The following ZNF385D variants were observed in gnomAD, a reference collection of about 807,000 sequenced individuals.
ZNF385D encodes zinc finger protein 659.
A neutral mutation model predicts 35.8 loss-of-function variants in ZNF385D; 15 were observed. That is an observed-to-expected ratio of 0.42 (90% CI 0.28 to 0.64). ZNF385D has a LOEUF of 0.64. ZNF385D is among the 30% of genes least tolerant of loss of function. The pLI, the probability that ZNF385D is intolerant of heterozygous loss-of-function variation, is 0.23. For missense variants in ZNF385D, 474 were observed against 494.6 expected (o/e 0.96, Z 0.39); for synonymous variants, 212 against 186.8 (o/e 1.13, Z -1.10).
At chr3:21,944,472 G>A (rs761463576) in intron 3 of ZNF385D, among the ~76,000 whole-genome samples, 10 of 152,180 alleles carry the variant, frequency 6.6e-5, no homozygotes, top group Non-Finnish European at 1.3e-4. Context: ...ACTGGAGCCT[G>A]GCTTGTAACT....
rs563660195 is a variant in ZNF385D, at chr3:21,474,861, T to C, written c.439+36000A>G. ...ATTAATGATTACATTCCTCATGACA[T>C]GTTTTTTTGAATAGCTTTATATTTT... On this transcript the variant is annotated intron_variant, in intron 4 of 7. Transcript: ENST00000281523. 4.7e-4 allele frequency among the ~76,000 whole-genome samples: 71 copies of C among 152,236 alleles called. 4 individuals carry two copies. The South Asian group carries it at 0.013, about 28-fold the overall frequency.
intron 2 of ZNF385D, among the ~76,000 whole-genome samples, chr3:21,580,973 T>C (rs995787386): frequency 6.6e-6 from 1 of 152,178 alleles, no homozygotes; most frequent in Admixed American, 6.6e-5. Flanking sequence ...AATATTCTAC[T>C]TCTCCTGGCA....
intron 1 of ZNF385D, 90 bp downstream of exon 1, chr3:21,750,805 T>C: frequency 1.9e-6 from 3 of 1,548,150 alleles, no homozygotes; most frequent in Non-Finnish European, 2.7e-6. Context: ...TGTAACATAT[T>C]CTTGCTGCTT....
chr3:21,721,669 G>A (rs181335152), intron 1 of ZNF385D, among the ~76,000 whole-genome samples: 3 of 152,156 alleles, frequency 2.0e-5, no homozygotes, highest in Non-Finnish European at 4.4e-5. Context: ...AGTTATGCAC[G>A]TGAAATGCTA....
At chr3:21,970,092 C>G (rs186745913) in intron 3 of ZNF385D, among the ~76,000 whole-genome samples, 3 of 152,124 alleles carry the variant, frequency 2.0e-5, no homozygotes, top group South Asian at 2.1e-4. Context: ...AAATGCTTCC[C>G]AAGAAGGACA....
intron 3 of ZNF385D, among the ~76,000 whole-genome samples, chr3:22,045,069 C>T (rs991624851): frequency 6.6e-6 from 1 of 152,010 alleles, no homozygotes; most frequent in Non-Finnish European, 1.5e-5. Flanking sequence ...TGCAACTTTA[C>T]TGTACTTGTT....
At position 21,619,715 on chromosome 3, in the gene ZNF385D, G is replaced by A. The variant is rs551203320; in HGVS notation, c.165+45171C>T. On this transcript the variant is annotated intron_variant, in intron 2 of 7. Coordinates refer to ENST00000281523, the MANE Select transcript of ZNF385D (RefSeq NM_024697.3). ...GCTTTTGTTTTCCCAGCCCTGGCCTGCTGAGGGACTAATGGTGGGGAAGAC... is the reference window on the plus strand; with the variant it reads ...GCTTTTGTTTTCCCAGCCCTGGCCTACTGAGGGACTAATGGTGGGGAAGAC... Among the ~76,000 whole-genome samples the A allele has an allele frequency of 5.3e-5, 8 of 152,236 alleles. No homozygotes were observed. The South Asian group carries it at 1.5e-3, about 28-fold the overall frequency.
chr3:22,349,024 T>A, intron 2 of ZNF385D, among the ~76,000 whole-genome samples: 1 of 152,232 alleles, frequency 6.6e-6, no homozygotes, highest in East Asian at 1.9e-4. Context: ...ATTCATGATC[T>A]AAGCAATTAA....
rs1369995943 is a variant in ZNF385D, at chr3:21,539,701, A to G, written c.276+24873T>C. Among the ~76,000 whole-genome samples, 1 of 152,084 alleles carries G rather than the reference A, an allele frequency of 6.6e-6. No homozygotes were observed. Among genetic ancestry groups the G allele is most frequent in the Non-Finnish European group, 1.5e-5 (1 of 67,992 alleles). ...TATATTAAATGTTTTTAAAAATCAT[A>G]TATTTATTTTAAATATTTTATGAAA... On this transcript the variant is annotated intron_variant, in intron 3 of 7. Coordinates refer to ENST00000281523, the MANE Select transcript of ZNF385D (RefSeq NM_024697.3). The surrounding 1 kb of genome is among the most constrained non-coding windows in gnomAD (Gnocchi z 4.0).
At chr3:21,634,446 C>G (rs1245686458) in intron 2 of ZNF385D, among the ~76,000 whole-genome samples, 3 of 151,798 alleles carry the variant, frequency 2.0e-5, no homozygotes, top group African/African-American at 7.3e-5. Flanking sequence ...TAAAAATAAG[C>G]CATAAAATGT....
At chr3:22,013,465 T>G (rs958216470) in intron 3 of ZNF385D, among the ~76,000 whole-genome samples, 3 of 152,150 alleles carry the variant, frequency 2.0e-5, no homozygotes, top group Non-Finnish European at 4.4e-5. Context: ...GTAAAATATT[T>G]ATATTTATTG....
intron 3 of ZNF385D, among the ~76,000 whole-genome samples, chr3:21,952,378 G>T (rs934266332): frequency 6.6e-6 from 1 of 151,752 alleles, no homozygotes; most frequent in South Asian, 2.1e-4. Flanking sequence ...TTTAATAAAA[G>T]GCCTCATTAG....
At chr3:21,772,018 A>G (rs986623476) in intron 3 of ZNF385D, among the ~76,000 whole-genome samples, 2 of 151,958 alleles carry the variant, frequency 1.3e-5, no homozygotes, top group African/African-American at 4.8e-5. Context: ...GGAAAACTGG[A>G]TATCTACAAG....
chr3:21,613,243 C>T (rs1301797107), intron 2 of ZNF385D, among the ~76,000 whole-genome samples: 1 of 151,902 alleles, frequency 6.6e-6, no homozygotes, highest in Non-Finnish European at 1.5e-5. Context: ...TGAATGTATA[C>T]CCAACTCAAC....
At chr3:22,351,342 TATTTA>T (rs1695907757) in intron 2 of ZNF385D, among the ~76,000 whole-genome samples, 1 of 152,108 alleles carries the variant, frequency 6.6e-6, no homozygotes, top group East Asian at 2.0e-4. Flanking sequence ...AGACCATTCT[TATTTA>T]ATTTAGAACT....
chr3:22,130,598 C>T (rs1212530262), intron 3 of ZNF385D, among the ~76,000 whole-genome samples: 1 of 152,142 alleles, frequency 6.6e-6, no homozygotes, highest in African/African-American at 2.4e-5. Flanking sequence ...ATGCAAACTT[C>T]CAATTTCCCA....
intron 3 of ZNF385D, among the ~76,000 whole-genome samples, chr3:22,121,980 A>C (rs1425384064): frequency 1.3e-5 from 2 of 152,158 alleles, no homozygotes; most frequent in African/African-American, 4.8e-5. Context: ...CCAGAGATTA[A>C]TTCAAACTGG....
intron 3 of ZNF385D, among the ~76,000 whole-genome samples, chr3:21,966,052 G>T (rs1384655658): frequency 6.6e-6 from 1 of 152,086 alleles, no homozygotes; most frequent in Non-Finnish European, 1.5e-5. Flanking sequence ...TTCTTTCCTA[G>T]ATCTTTACTC....
intron 2 of ZNF385D, among the ~76,000 whole-genome samples, chr3:22,177,789 T>G (rs542337166): frequency 6.6e-6 from 1 of 152,330 alleles, no homozygotes; most frequent in Non-Finnish European, 1.5e-5. Context: ...TGTGCCCATG[T>G]GTTCTCACTG....
Sources: allele counts gnomAD v4.1 joint callset (sites outside exome capture counted in the v4.1 genomes callset), GRCh38; gene constraint gnomAD v4.1.1; non-coding constraint Gnocchi (gnomAD v3.1); transcripts MANE v1.5; gene names NCBI Gene and HGNC (gene_info 2026-07-23, HGNC 2026-07-21).